Variants in SHLD1 observed in about 807,000 individuals in gnomAD.
SHLD1 encodes shieldin complex subunit 1.
A neutral mutation model predicts 5.5 loss-of-function variants in SHLD1; 3 were observed. The observed-to-expected ratio is 0.54, with a 90% CI of 0.25 to 1.40. The LOEUF is 1.40. SHLD1 is among the 40% of genes most tolerant of loss of function. The pLI is 0.15. For synonymous variants in SHLD1, 92 were observed against 94.3 expected, an observed-to-expected ratio of 0.98 and a Z score of 0.14; for missense variants, 210 against 244.4, an observed-to-expected ratio of 0.86 and a Z score of 0.94.
chr20:5,857,643 T>C (rs1287007), intron 2 of SHLD1, among the ~76,000 whole-genome samples: 86,900 of 151,300 alleles, frequency 0.57, 25,482 homozygotes, highest in African/African-American at 0.7. Flanking sequence ...ACCCCGTCTC[T>C]ACAAAAAATA....
At chr20:5,811,201 G>C (rs1052839650) in intron 2 of SHLD1, among the ~76,000 whole-genome samples, 8 of 152,144 alleles carry the variant, frequency 5.3e-5, no homozygotes, top group Admixed American at 2.0e-4. Flanking sequence ...AGCTCAGAGA[G>C]ATGTCCCAGG....
At chr20:5,839,714 C>T (rs925747629) in intron 2 of SHLD1, among the ~76,000 whole-genome samples, 2 of 152,226 alleles carry the variant, frequency 1.3e-5, no homozygotes, top group African/African-American at 4.8e-5. Flanking sequence ...TCCAACATAG[C>T]TTCCCAAACT....
chr20:5,819,686 G>A (rs1205057290), intron 2 of SHLD1, among the ~76,000 whole-genome samples: 1 of 152,156 alleles, frequency 6.6e-6, no homozygotes, highest in African/African-American at 2.4e-5. Context: ...GCCAGGCATG[G>A]TGGAGTACAC....
At chr20:5,801,822 G>A (rs2122341109) in intron 2 of SHLD1, among the ~76,000 whole-genome samples, 1 of 152,296 alleles carries the variant, frequency 6.6e-6, no homozygotes, top group African/African-American at 2.4e-5. Flanking sequence ...GGAAAATTAG[G>A]AGGAGTGCTC....
At position 5,846,660 on chromosome 20, in the gene SHLD1, T is replaced by C. The variant is rs183122129; in HGVS notation, c.179-16364T>C. 2.8e-3 allele frequency among the ~76,000 whole-genome samples: 421 copies of C among 152,286 alleles called. 3 individuals carry two copies. Among genetic ancestry groups the C allele is most frequent in the African/African-American group, 9.6e-3 (398 of 41,564 alleles). On this transcript the variant is annotated intron_variant, in intron 2 of 2. Transcript: ENST00000303142. ...GGCTCCAAATGGCTCCTGAAGGAAATTGCCTCCCTGGTTCTCTTGTCTGAC... is the reference window on the plus strand; with the variant it reads ...GGCTCCAAATGGCTCCTGAAGGAAACTGCCTCCCTGGTTCTCTTGTCTGAC...
chr20:5,768,117 G>T (rs1322161276), intron 1 of SHLD1, among the ~76,000 whole-genome samples: 1 of 151,980 alleles, frequency 6.6e-6, no homozygotes, highest in Non-Finnish European at 1.5e-5. Flanking sequence ...TGGGATTACA[G>T]GTGTGTGCCA....
rs572901536 is a variant in SHLD1, at chr20:5,756,301, T to A, written c.-5+5822T>A. Among the ~76,000 whole-genome samples, 152 of 150,928 alleles carry A rather than the reference T, an allele frequency of 1.0e-3. No homozygotes were observed. The East Asian group carries it at 0.011, about 11-fold the overall frequency. On this transcript the variant is annotated intron_variant, in intron 1 of 2. Coordinates refer to ENST00000303142, the MANE Select transcript of SHLD1 (RefSeq NM_152504.4). ...CCCCCATCTTTACAAAAAAAAAAAA[T>A]TTTTAAGCATTATATTGATCTTTAG...
intron 1 of SHLD1, among the ~76,000 whole-genome samples, chr20:5,763,514 C>T (rs1278137175): frequency 6.6e-6 from 1 of 152,158 alleles, no homozygotes; most frequent in East Asian, 1.9e-4. Context: ...ATCTTATCTT[C>T]TGTAAAGTGC....
chr20:5,783,163 T>G (rs549184494), intron 2 of SHLD1, among the ~76,000 whole-genome samples: 1 of 152,164 alleles, frequency 6.6e-6, no homozygotes, highest in Non-Finnish European at 1.5e-5. Context: ...TTTGGAAGGT[T>G]TGGGTATTCT....
At chr20:5,854,872 C>CTTTT (rs55776293) in intron 2 of SHLD1, among the ~76,000 whole-genome samples, 16 of 130,050 alleles carry the variant, frequency 1.2e-4, no homozygotes, top group East Asian at 4.7e-4. Flanking sequence ...CTCTATGACT[C>CTTTT]TTTTTTTTTT....
chr20:5,845,088 G>T (rs149975918), intron 2 of SHLD1, among the ~76,000 whole-genome samples: 14 of 151,926 alleles, frequency 9.2e-5, no homozygotes, highest in African/African-American at 3.4e-4. Flanking sequence ...ATGAGCCACC[G>T]TGCCCAGCCA....
chr20:5,773,683 G>A (rs1052388808), intron 2 of SHLD1, among the ~76,000 whole-genome samples: 7 of 151,934 alleles, frequency 4.6e-5, no homozygotes, highest in African/African-American at 1.7e-4. Flanking sequence ...TTAATCCCCT[G>A]GGTTTATCAC....
At chr20:5,838,567 C>A (rs920180187) in intron 2 of SHLD1, among the ~76,000 whole-genome samples, 4 of 152,152 alleles carry the variant, frequency 2.6e-5, no homozygotes, top group Non-Finnish European at 5.9e-5. Flanking sequence ...TCAAGACCAG[C>A]CTGACCAACA....
intron 2 of SHLD1, among the ~76,000 whole-genome samples, chr20:5,804,175 G>A (rs750568783): frequency 6.6e-5 from 10 of 151,948 alleles, no homozygotes; most frequent in African/African-American, 1.2e-4. Context: ...TTAGCTGGGC[G>A]TGGTGGCACA....
Position 5,756,151 on chromosome 20 carries a change from C to A in SHLD1, c.-5+5672C>A, listed in dbSNP as rs632438. Among the ~76,000 whole-genome samples, 32 of 151,932 alleles carry A rather than the reference C, an allele frequency of 2.1e-4. No individual in the cohort carries two copies. The East Asian group carries it at 6.0e-3, about 29-fold the overall frequency. ...CATCTCTGACCCCCCTTTCCATCAT[C>A]GCCTGAACTAGTTTTTCAGGTTTTC... On this transcript the variant is annotated intron_variant, in intron 1 of 2. Coordinates refer to ENST00000303142, the MANE Select transcript of SHLD1 (RefSeq NM_152504.4).
chr20:5,768,920 T>C, intron 1 of SHLD1, among the ~76,000 whole-genome samples: 1 of 150,826 alleles, frequency 6.6e-6, no homozygotes, highest in Non-Finnish European at 1.5e-5. Flanking sequence ...TTTTTTTTTT[T>C]TGGTAAGACA....
intron 1 of SHLD1, among the ~76,000 whole-genome samples, chr20:5,770,808 G>C (rs1398922356): frequency 1.3e-5 from 2 of 152,216 alleles, no homozygotes; most frequent in African/African-American, 4.8e-5. Context: ...TGATGTCCTA[G>C]TCAAGCGGCT....
chr20:5,847,821 A>C (rs2087950151), intron 2 of SHLD1, among the ~76,000 whole-genome samples: 1 of 152,208 alleles, frequency 6.6e-6, no homozygotes, highest in African/African-American at 2.4e-5. Context: ...TTTGGAGAGC[A>C]ATTTGGCAGG....
chr20:5,821,084 A>G (rs1220043317), intron 2 of SHLD1, among the ~76,000 whole-genome samples: 3 of 152,262 alleles, frequency 2.0e-5, no homozygotes, highest in South Asian at 2.1e-4. Flanking sequence ...ATCTTTTAAT[A>G]TCTGTGCTTA....
Sources: gnomAD v4.1 joint callset for allele counts (sites outside exome capture counted in the v4.1 genomes callset) on GRCh38, gnomAD v4.1.1 for gene constraint, MANE v1.5 for transcripts, NCBI Gene and HGNC (gene_info 2026-07-23, HGNC 2026-07-21) for gene names.